The following MYO1A variants were observed in gnomAD, a reference collection of about 807,000 sequenced individuals.
MYO1A encodes the protein unconventional myosin-Ia.
In MYO1A, 127 loss-of-function variants were observed where a neutral mutation model predicts 138.5. That is an observed-to-expected ratio of 0.92 (90% confidence interval 0.79 to 1.06). The LOEUF (loss-of-function observed/expected upper bound fraction) is 1.06, where lower values mean the gene tolerates loss of function less well. Ranked by LOEUF, MYO1A falls within the 50% of genes least tolerant of loss-of-function variation. The pLI is 0.00. For synonymous variants in MYO1A, 477 were observed against 497.5 expected, an observed-to-expected ratio of 0.96 and a Z score of 0.55; for missense variants, 1,211 against 1,288.8, an observed-to-expected ratio of 0.94 and a Z score of 0.92.
In MYO1A at chr12:57,037,979, G is replaced by A. The variant is rs149942632; in HGVS notation, c.1851C>T (p.Asn617=). The change falls in exon 18 of 28, where the codon AAC becomes AAT. Residue 617 remains asparagine, a synonymous_variant. Transcript: ENST00000300119. ...CATAGCCTGCCCGTCGCACCCGTAC[G>A]TTCTCCAGCAGTCCCAGGTACCGAG... ...TQARYLGLLE[N]VRVRRAGYAH... is the part of the protein sequence containing the mutation. 4.9e-5 allele frequency: 79 copies of A among 1,614,194 alleles called. No homozygotes were observed. The Middle Eastern group carries it at 1.6e-3, about 34-fold the overall frequency.
intron 14 of MYO1A, 78 bp downstream of exon 14, chr12:57,041,106 T>A (rs1283017465): frequency 5.6e-6 from 6 of 1,070,560 alleles, no homozygotes; most frequent in Non-Finnish European, 8.6e-6. Context: ...TAGAGGAAAT[T>A]GTGATCAAGG....
chr12:57,029,557 C>T lies in MYO1A; in HGVS notation c.2755G>A (p.Gly919Ser), dbSNP rs762023364. ...TSSRILLLTK[G>S]HVILTDTKKS... ...TTGGTGTCTGTGAGAATCACATGGCCCTTGGTCAGGAGGAGAATCCGAGAA... is the reference window on the plus strand; with the variant it reads ...TTGGTGTCTGTGAGAATCACATGGCTCTTGGTCAGGAGGAGAATCCGAGAA... The change falls in exon 26 of 28, where the codon GGC becomes AGC. Residue 919 changes from glycine (G) to serine (S), a missense_variant. Coordinates refer to ENST00000300119, the MANE Select transcript of MYO1A (RefSeq NM_005379.4). The T allele has an allele frequency of 6.2e-6, 10 of 1,614,078 alleles. No individual in the cohort carries two copies. In the East Asian group the frequency reaches 2.0e-4, roughly 32 times the overall value.
At position 57,037,160 on chromosome 12, in the gene MYO1A, C is replaced by A. The variant is rs148409413; in HGVS notation, c.2056-69G>T. ...GAACAGTGCTGTCCTCTCCTATACC[C>A]CACAGTACTGAGGCTTCCCAGCCAG... On this transcript the variant is annotated intron_variant, in intron 19 of 27. Transcript: ENST00000300119. 1.5e-4 allele frequency: 243 copies of A among 1,586,682 alleles called. 2 individuals are homozygous for A. In the East Asian group the frequency reaches 5.3e-3, roughly 35 times the overall value.
chr12:57,042,756 C>A (rs1224097369), intron 12 of MYO1A, among the ~76,000 whole-genome samples: 1 of 152,166 alleles, frequency 6.6e-6, no homozygotes, highest in African/African-American at 2.4e-5. Context: ...CCACACCCAG[C>A]ATATTAGTGT....
chr12:57,045,545 A>G (rs2031059208), intron 8 of MYO1A, among the ~76,000 whole-genome samples: 1 of 152,188 alleles, frequency 6.6e-6, no homozygotes, highest in Admixed American at 6.5e-5. Flanking sequence ...AGTTGAACAT[A>G]ACCAAAACTA....
At chr12:57,050,152 A>C (rs1051906321), upstream of MYO1A, 3 of 152,410 alleles carry the variant, frequency 2.0e-5, no homozygotes, top group Middle Eastern at 3.4e-3. Flanking sequence ...TGATCAGCAC[A>C]AAGTCCAGAC....
chr12:57,032,890 A>G (rs2136437345), intron 22 of MYO1A, among the ~76,000 whole-genome samples: 1 of 152,338 alleles, frequency 6.6e-6, no homozygotes, highest in East Asian at 1.9e-4. Context: ...TTTAACTTAC[A>G]GAAAAGTTGA....
intron 21 of MYO1A, 132 bp from the exon 22 acceptor site, chr12:57,036,513 A>T (rs149662679): frequency 7.4e-5 from 78 of 1,060,910 alleles, no homozygotes; most frequent in East Asian, 6.0e-4. Context: ...TTGGAAGTAA[A>T]ATCAGACAAG....
intron 27 of MYO1A, 35 bp downstream of exon 27, chr12:57,029,097 G>T (rs185743176): frequency 6.2e-7 from 1 of 1,613,800 alleles, no homozygotes; most frequent in Non-Finnish European, 8.5e-7. Context: ...GCCATCTACC[G>T]TAAGCCGCCC....
Position 57,029,853 on chromosome 12 carries a change from C to T in MYO1A, c.2611G>A (p.Gly871Ser). ...YPQSVPIPFC[G>S]DYIGLQGNPK... ...TTCCCTTGCAGCCCAATGTAGTCAC[C>T]ACAGAATGGAATGGGGACACTGAGA... is the stretch of plus-strand genomic sequence containing the variant. Residue 871 changes from glycine (G) to serine (S), a missense_variant, in exon 25 of 28, where the codon GGT (glycine) becomes AGT (serine). Transcript: ENST00000300119. The T allele has an allele frequency of 6.2e-7, 1 of 1,614,186 alleles. No homozygotes were observed. The highest frequency in any genetic ancestry group is 1.1e-5 in the South Asian group (1 of 91,074).
At chr12:57,048,161 A>T in intron 2 of MYO1A, 49 bp downstream of exon 2, 1 of 1,594,912 alleles carries the variant, frequency 6.3e-7, no homozygotes, top group South Asian at 1.1e-5. Flanking sequence ...GGAGCCTGTG[A>T]CCTCTCCAGC....
chr12:57,038,731 C>T, intron 16 of MYO1A, 78 bp downstream of exon 16: 15 of 1,609,556 alleles, frequency 9.3e-6, no homozygotes, highest in Non-Finnish European at 1.3e-5. Flanking sequence ...CAGACTCTCA[C>T]CTTCCCCGGG....
At position 57,043,348 on chromosome 12, in the gene MYO1A, C is replaced by T; in HGVS notation, c.903G>A (p.Glu301=). The change falls in exon 11 of 28, where the codon GAG becomes GAA. Residue 301 remains glutamate (E), a synonymous_variant. Coordinates refer to ENST00000300119, the MANE Select transcript of MYO1A (RefSeq NM_005379.4). ...SGIRDGRGVR[E]IGEMVGLNSE... ...AATTCAAGCCCACCATCTCCCCAAT[C>T]TCCCGAACACCTGGGATAATGAGAA... The T allele has an allele frequency of 6.2e-7, 1 of 1,614,080 alleles. No homozygotes were observed. The highest frequency in any genetic ancestry group is 8.5e-7 in the Non-Finnish European group (1 of 1,179,932).
rs1592484242 is a variant in MYO1A, at chr12:57,047,009, C to G, written c.477+52G>C. 3 of 1,611,584 alleles carry G rather than the reference C, an allele frequency of 1.9e-6. No homozygotes were observed. The African/African-American group carries it at 4.0e-5, about 22-fold the overall frequency. ...TGGAAGGGGTCTGTGCCACATTCCTCCCTCTTAAGCCCCCACATCCTCTCT... is the reference window on the plus strand; with the variant it reads ...TGGAAGGGGTCTGTGCCACATTCCTGCCTCTTAAGCCCCCACATCCTCTCT... On this transcript the variant is annotated intron_variant, in intron 6 of 27. Coordinates refer to ENST00000300119, the MANE Select transcript of MYO1A (RefSeq NM_005379.4).
At chr12:57,043,442 T>A in intron 10 of MYO1A, 84 bp from the exon 11 acceptor site, 1 of 1,296,650 alleles carries the variant, frequency 7.7e-7, no homozygotes, top group Non-Finnish European at 1.1e-6. Flanking sequence ...TGAAACTGCC[T>A]GAGACACTGG....
chr12:57,043,418 T>G (rs1032382200), intron 10 of MYO1A, 60 bp from the exon 11 acceptor site: 1 of 1,504,384 alleles, frequency 6.6e-7, no homozygotes. Context: ...GGGGAGGGAG[T>G]GCAATCTGAT....
chr12:57,047,586 C>T (rs747073023), intron 4 of MYO1A, 41 bp downstream of exon 4: 2 of 1,601,756 alleles, frequency 1.2e-6, no homozygotes, highest in Admixed American at 3.3e-5. Flanking sequence ...GGAAGCAGTT[C>T]CAGAGGTGAC....
At chr12:57,038,166 T>C in intron 17 of MYO1A, 97 bp from the exon 18 acceptor site, 2 of 1,452,702 alleles carry the variant, frequency 1.4e-6, no homozygotes, top group South Asian at 2.3e-5. Flanking sequence ...TGCACTTCAC[T>C]GAAAAGTTTC....
intron 14 of MYO1A, 46 bp downstream of exon 14, chr12:57,041,138 G>C: frequency 7.1e-7 from 1 of 1,415,916 alleles, no homozygotes; most frequent in Non-Finnish European, 9.9e-7. Context: ...TCTGGCATAT[G>C]CCTAGAAGTT....
Sources: allele counts gnomAD v4.1 joint callset (sites outside exome capture counted in the v4.1 genomes callset), GRCh38; gene constraint gnomAD v4.1.1; transcripts MANE v1.5; gene names NCBI Gene and HGNC (gene_info 2026-07-23, HGNC 2026-07-21).